WDPCP: variants seen among roughly 807,000 people sequenced by gnomAD.
The protein encoded by WDPCP is WD repeat-containing and planar cell polarity effector protein fritz homolog.
A neutral mutation model predicts 93.1 loss-of-function variants in WDPCP; 71 were observed. The ratio of observed to expected loss-of-function variants is 0.76; its 90% CI spans 0.63 to 0.93. WDPCP has a LOEUF of 0.93. Ranked by LOEUF, WDPCP falls within the 40% of genes least tolerant of loss-of-function variation. The probability of loss-of-function intolerance (pLI) is 0.00; values close to 1 mark genes in which losing one functional copy is unlikely to be tolerated. For missense variants in WDPCP, 844 were observed against 887.4 expected (o/e 0.95, Z 0.62); for synonymous variants, 315 against 315.0 (o/e 1.00, Z 0.00).
chr2:63,731,452 A>G (rs925393907), intron 2 of WDPCP, among the ~76,000 whole-genome samples: 5 of 152,146 alleles, frequency 3.3e-5, no homozygotes, highest in African/African-American at 1.2e-4. Flanking sequence ...TGTGCAACTT[A>G]TCACCTCTAA....
chr2:63,649,963 G>A (rs1710091627), intron 3 of WDPCP, among the ~76,000 whole-genome samples: 1 of 152,156 alleles, frequency 6.6e-6, no homozygotes, highest in Non-Finnish European at 1.5e-5. Flanking sequence ...CAACCTCTGG[G>A]GTCAGGAATG....
chr2:63,588,487 G>T, upstream of WDPCP: 1 of 646,916 alleles, frequency 1.5e-6, no homozygotes. Flanking sequence ...CAATTCCCCC[G>T]CCCCTCCAGA....
intron 13 of WDPCP, among the ~76,000 whole-genome samples, chr2:63,286,255 CA>C (rs1302579221): frequency 6.6e-6 from 1 of 151,896 alleles, no homozygotes; most frequent in Non-Finnish European, 1.5e-5. Context: ...GTGACCTGCA[CA>C]TATACATCCA....
rs999130122 is a variant in WDPCP at position 63,317,890 on chromosome 2, G to A, written c.1749-4579C>T. On this transcript the variant is annotated intron_variant, in intron 12 of 17. Transcript: ENST00000272321. ...CATGACAGAGACTCCACAAGCAACT[G>A]CAACAAAAACAAAAAATTCATGAAT... 3.3e-5 allele frequency among the ~76,000 whole-genome samples: 5 copies of A among 152,070 alleles called. No individual in the cohort carries two copies. In the East Asian group the frequency reaches 9.7e-4, roughly 29 times the overall value.
At chr2:63,831,860 C>A (rs147818203), upstream of WDPCP, among the ~76,000 whole-genome samples, 152 of 152,252 alleles carry the variant, frequency 1.0e-3, no homozygotes, top group African/African-American at 3.3e-3. Flanking sequence ...AAAAGGAGAT[C>A]TCTTCCTCAG....
At chr2:63,800,132 G>A (rs1670674165) in intron 2 of WDPCP, among the ~76,000 whole-genome samples, 1 of 151,942 alleles carries the variant, frequency 6.6e-6, no homozygotes, top group Non-Finnish European at 1.5e-5. Context: ...TCCCAAATAA[G>A]GCATCTTAGG....
intron 10 of WDPCP, among the ~76,000 whole-genome samples, chr2:63,399,136 T>C (rs1575330064): frequency 2.0e-5 from 3 of 152,300 alleles, no homozygotes; most frequent in African/African-American, 4.8e-5. Context: ...CCTATAAGAC[T>C]GTACAGTTTC....
intron 1 of WDPCP, among the ~76,000 whole-genome samples, chr2:63,572,125 C>A (rs1331935482): frequency 6.6e-6 from 1 of 152,164 alleles, no homozygotes; most frequent in African/African-American, 2.4e-5. Context: ...AATCCCATAT[C>A]GTGTATTCCA....
In WDPCP at chr2:63,381,935, AG is replaced by A. The variant is rs756447932; in HGVS notation, c.1594del (p.Arg533AspfsTer61). ...TCTCTCTGGAGTGAGCTTCTGTCTA[AG>A]AAGATGGTTTACAATGGCGCTCATG... ...ISMSAIVNHL[L>X]RQKLTPEREA... On this transcript the variant is annotated frameshift_variant, in exon 11 of 18. Transcript: ENST00000272321. LOFTEE classifies it high-confidence loss of function. 1.2e-6 allele frequency: 2 copies of A among 1,613,362 alleles called. No homozygotes were observed. Among genetic ancestry groups the A allele is most frequent in the Non-Finnish European group, 1.7e-6 (2 of 1,179,696 alleles).
chr2:63,769,660 T>C (rs1670197235), intron 2 of WDPCP, among the ~76,000 whole-genome samples: 1 of 151,922 alleles, frequency 6.6e-6, no homozygotes, highest in African/African-American at 2.4e-5. Context: ...CAAGAACTAC[T>C]CTGAGTTTGG....
intron 9 of WDPCP, among the ~76,000 whole-genome samples, chr2:63,406,218 G>T (rs1184147148): frequency 6.6e-6 from 1 of 152,054 alleles, no homozygotes; most frequent in African/African-American, 2.4e-5. Context: ...TAAACTAAAT[G>T]CTTTTGCCTT....
chr2:63,140,329 T>C (rs1035110919), intron 17 of WDPCP, among the ~76,000 whole-genome samples: 8 of 152,170 alleles, frequency 5.3e-5, no homozygotes, highest in Non-Finnish European at 1.0e-4. Flanking sequence ...TTTAGAATTG[T>C]TTTTTCTAAT....
intron 14 of WDPCP, among the ~76,000 whole-genome samples, chr2:63,197,026 G>GAAAT (rs1458463567): frequency 2.0e-5 from 3 of 152,110 alleles, no homozygotes; most frequent in East Asian, 1.9e-4. Context: ...AAATGAAAAA[G>GAAAT]AAATAAACAA....
intron 17 of WDPCP, 83 bp from the exon 18 acceptor site, chr2:63,122,139 A>G: frequency 8.7e-7 from 1 of 1,143,322 alleles, no homozygotes; most frequent in Non-Finnish European, 1.3e-6. Context: ...ATTTTTAAGT[A>G]CTGAAAAATA....
intron 9 of WDPCP, among the ~76,000 whole-genome samples, chr2:63,429,407 C>G (rs1050629803): frequency 6.6e-6 from 1 of 152,030 alleles, no homozygotes; most frequent in Non-Finnish European, 1.5e-5. Context: ...AACAGACAAC[C>G]TACAGAATGA....
At chr2:63,707,644 G>A (rs374805209) in intron 2 of WDPCP, among the ~76,000 whole-genome samples, 3 of 152,100 alleles carry the variant, frequency 2.0e-5, no homozygotes, top group African/African-American at 4.8e-5. Context: ...GTCATTCTTC[G>A]TCCAGCTTTG....
At position 63,755,533 on chromosome 2, in the gene WDPCP, C is replaced by T. The variant is rs117603539; in HGVS notation, n.308+58089G>A. 2.1e-3 allele frequency among the ~76,000 whole-genome samples: 313 copies of T among 152,270 alleles called. 4 individuals carry two copies. Among genetic ancestry groups the T allele is most frequent in the Admixed American group, 0.016 (239 of 15,302 alleles). Reference sequence around the variant, plus strand: ...GAAAAAATCTTCAAGACAAGAATAACTAAAATAACAACAAAAGTTGACGTT... The same window carrying T: ...GAAAAAATCTTCAAGACAAGAATAATTAAAATAACAACAAAAGTTGACGTT... On this transcript the variant is annotated intron_variant and non_coding_transcript_variant, in intron 2 of 4. Coordinates refer to the WDPCP transcript ENST00000467687.
chr2:63,248,711 A>C lies in WDPCP; in HGVS notation c.1915+10596T>G, dbSNP rs147682751. ...ATCTCATAGGTTTAGTTCACTTTTC[A>C]TAATTCTTCTTGGTCCTTAGAATTG... is the stretch of plus-strand genomic sequence containing the variant. On this transcript the variant is annotated intron_variant, in intron 14 of 17. Transcript: ENST00000272321. Among the ~76,000 whole-genome samples, 58 of 152,224 alleles carry C rather than the reference A, an allele frequency of 3.8e-4. No homozygotes were observed. In the East Asian group the frequency reaches 8.3e-3, roughly 22 times the overall value.
intron 2 of WDPCP, among the ~76,000 whole-genome samples, chr2:63,705,721 G>A (rs1669139745): frequency 6.8e-6 from 1 of 147,946 alleles, no homozygotes; most frequent in Non-Finnish European, 1.5e-5. Flanking sequence ...TTCCAACTAT[G>A]TGGTCAATTT....
Sources: gnomAD v4.1 joint callset for allele counts (sites outside exome capture counted in the v4.1 genomes callset) on GRCh38, gnomAD v4.1.1 for gene constraint, MANE v1.5 for transcripts, NCBI Gene and HGNC (gene_info 2026-07-23, HGNC 2026-07-21) for gene names.